Variants in BABAM2 observed in about 807,000 individuals in gnomAD.
The protein encoded by BABAM2 is BRISC and BRCA1 A complex member 2, also known as BRISC and BRCA1-A complex member 2.
A neutral mutation model predicts 54.7 loss-of-function variants in BABAM2; 31 were observed. That is an observed-to-expected ratio of 0.57 (90% confidence interval 0.43 to 0.77). The LOEUF is 0.77. BABAM2 is among the 30% of genes least tolerant of loss of function. BABAM2 has a pLI of 0.00. For missense variants in BABAM2, 364 were observed against 455.8 expected (o/e 0.80, Z 1.83); for synonymous variants, 167 against 162.9 (o/e 1.03, Z -0.19).
intron 6 of BABAM2, among the ~76,000 whole-genome samples, chr2:28,122,559 T>C (rs949183188): frequency 2.6e-5 from 4 of 152,242 alleles, no homozygotes; most frequent in Admixed American, 1.3e-4. Flanking sequence ...AATGGCTTTT[T>C]TACCGTCCTG....
intron 5 of BABAM2, among the ~76,000 whole-genome samples, chr2:28,031,213 T>C (rs1015026579): frequency 2.0e-5 from 3 of 152,152 alleles, no homozygotes; most frequent in African/African-American, 7.2e-5. Flanking sequence ...TGACTTATGC[T>C]CCTTTCTTAG....
Position 28,338,439 on chromosome 2 carries a change from T to G in BABAM2, c.1089-11T>G, listed in dbSNP as rs1373588792. The stretch of plus-strand genomic sequence containing the variant: ...AACCACAATTTTTTTTCTCCCCTTC[T>G]TTCCCACCAGGGCTTATTTCAAAAC... On this transcript the variant is annotated splice_polypyrimidine_tract_variant and intron_variant, in intron 11 of 11. Transcript: ENST00000379624. The G allele has an allele frequency of 6.2e-7, 1 of 1,613,628 alleles. No individual in the cohort carries two copies. The highest frequency in any genetic ancestry group is 2.2e-5 in the East Asian group (1 of 44,880).
intron 6 of BABAM2, among the ~76,000 whole-genome samples, chr2:28,089,178 C>G (rs759620297): frequency 6.6e-6 from 1 of 152,138 alleles, no homozygotes; most frequent in Admixed American, 6.5e-5. Context: ...ATTCCTTTGA[C>G]ATGAATATAT....
At chr2:27,981,726 A>G (rs1170282079) in intron 3 of BABAM2, among the ~76,000 whole-genome samples, 1 of 152,310 alleles carries the variant, frequency 6.6e-6, no homozygotes, top group African/African-American at 2.4e-5. Flanking sequence ...ATATTCCATT[A>G]CATGTATAAT....
chr2:28,100,965 C>T (rs550148522), intron 6 of BABAM2, among the ~76,000 whole-genome samples: 124 of 152,242 alleles, frequency 8.1e-4, no homozygotes, highest in Non-Finnish European at 1.3e-3. Flanking sequence ...ACAGAGAAGG[C>T]AACAGATAGG....
At chr2:28,076,077 A>G (rs1420063603) in intron 6 of BABAM2, among the ~76,000 whole-genome samples, 2 of 152,076 alleles carry the variant, frequency 1.3e-5, no homozygotes, top group Non-Finnish European at 2.9e-5. Context: ...CAGCCTGTGC[A>G]ACATAAGGAG....
rs115560674 is a variant in BABAM2, at chr2:28,276,341, C to T, written c.935-21997C>T. The stretch of plus-strand genomic sequence containing the variant: ...CCACTTTAGTCTGCAGACACAGCAC[C>T]GAGATACCTGTGACTCAGCTCTCAT... On this transcript the variant is annotated intron_variant, in intron 10 of 11. Coordinates refer to ENST00000379624, the MANE Select transcript of BABAM2 (RefSeq NM_199191.3). Among the ~76,000 whole-genome samples, 89 of 152,080 alleles carry T rather than the reference C, an allele frequency of 5.9e-4. 1 individual carries two copies. The highest frequency in any genetic ancestry group is 1.9e-3 in the African/African-American group (79 of 41,488).
chr2:28,329,970 A>AAAGCTTATC lies in BABAM2; in HGVS notation c.1089-8479_1089-8471dup. Among the ~76,000 whole-genome samples the AAAGCTTATC allele has an allele frequency of 6.6e-6, 1 of 152,196 alleles. No homozygotes were observed. ...CAGACTGAATCCAGCAGCACATCAA[A>AAAGCTTATC]AAGCTTATCCACCACAATCAAGTCA... is the stretch of plus-strand genomic sequence containing the variant. On this transcript the variant is annotated intron_variant, in intron 11 of 11. Coordinates refer to ENST00000379624, the MANE Select transcript of BABAM2 (RefSeq NM_199191.3). The surrounding 1 kb of genome is among the most constrained non-coding windows in gnomAD (Gnocchi z 4.2).
intron 1 of BABAM2, chr2:27,892,336 G>A (rs144693502): frequency 1.3e-5 from 2 of 152,342 alleles, no homozygotes; most frequent in African/African-American, 4.8e-5. Context: ...CTGATAATGG[G>A]TAGATAGGTG....
chr2:27,966,280 C>CAGTTGGAA (rs1256423160), intron 3 of BABAM2, among the ~76,000 whole-genome samples: 4 of 152,174 alleles, frequency 2.6e-5, no homozygotes, highest in African/African-American at 7.2e-5. Context: ...ATTTGGTAAT[C>CAGTTGGAA]CTGAGTACAG....
chr2:27,972,332 A>G (rs1254249357), intron 3 of BABAM2, among the ~76,000 whole-genome samples: 1 of 152,206 alleles, frequency 6.6e-6, no homozygotes, highest in Non-Finnish European at 1.5e-5. Flanking sequence ...ATTTGTAGCT[A>G]TATTTTCTGT....
chr2:28,017,226 T>C (rs749975373), intron 4 of BABAM2, among the ~76,000 whole-genome samples: 51 of 152,384 alleles, frequency 3.3e-4, no homozygotes, highest in Non-Finnish European at 4.6e-4. Flanking sequence ...TTGCTGATAA[T>C]ACTTGGTCCT....
intron 7 of BABAM2, among the ~76,000 whole-genome samples, chr2:28,162,089 CT>C (rs1673158372): frequency 6.6e-6 from 1 of 151,992 alleles, no homozygotes; most frequent in African/African-American, 2.4e-5. Context: ...CAAATGAAAC[CT>C]TTTCAATTAA....
chr2:28,067,807 A>G (rs1663743232), intron 6 of BABAM2, among the ~76,000 whole-genome samples: 1 of 152,224 alleles, frequency 6.6e-6, no homozygotes. Flanking sequence ...AAGGAAGGGC[A>G]GATGCTGGGA....
chr2:27,942,050 G>A (rs1668929337), intron 3 of BABAM2, among the ~76,000 whole-genome samples: 1 of 152,138 alleles, frequency 6.6e-6, no homozygotes, highest in African/African-American at 2.4e-5. Flanking sequence ...GTGTGTGCTT[G>A]TGTGTGTTTT....
At chr2:28,287,994 G>T (rs531230192) in intron 10 of BABAM2, among the ~76,000 whole-genome samples, 1 of 152,260 alleles carries the variant, frequency 6.6e-6, no homozygotes, top group East Asian at 1.9e-4. Flanking sequence ...TCCTACTTTG[G>T]GGACCCCTTC....
intron 3 of BABAM2, among the ~76,000 whole-genome samples, chr2:27,949,721 A>G (rs1323840248): frequency 6.6e-6 from 1 of 152,130 alleles, no homozygotes. Flanking sequence ...ATATTCTTTT[A>G]ATTTTTTTCT....
intron 7 of BABAM2, among the ~76,000 whole-genome samples, chr2:28,166,548 G>A (rs1673696463): frequency 6.6e-6 from 1 of 152,094 alleles, no homozygotes; most frequent in African/African-American, 2.4e-5. Flanking sequence ...CTTACCTTCT[G>A]GCCTTTGATT....
chr2:27,890,575 C>T, upstream of BABAM2: 1 of 506,588 alleles, frequency 2.0e-6, no homozygotes. This position sits in a 1 kb window ranked among gnomAD's most constrained non-coding sequence, Gnocchi z 4.8. Context: ...TATGGCGAGA[C>T]TCCGCGCTCC....
Sources: allele counts gnomAD v4.1 joint callset (sites outside exome capture counted in the v4.1 genomes callset), GRCh38; gene constraint gnomAD v4.1.1; non-coding constraint Gnocchi (gnomAD v3.1); transcripts MANE v1.5; gene names NCBI Gene and HGNC (gene_info 2026-07-23, HGNC 2026-07-21).